MACF1: variants seen among roughly 807,000 people sequenced by gnomAD.
The protein encoded by MACF1 is microtubule-actin cross-linking factor 1.
Under a neutral mutation model 854.8 loss-of-function variants are expected in MACF1, and 193 were observed. The observed-to-expected ratio is 0.23, with a 90% CI of 0.20 to 0.25. The LOEUF (loss-of-function observed/expected upper bound fraction) is 0.25. MACF1 is among the 10% of genes least tolerant of loss of function. The pLI, the probability that MACF1 is intolerant of heterozygous loss-of-function variation, is 1.00. For synonymous variants in MACF1, 3,185 were observed against 3,226.7 expected (o/e 0.99, Z 0.44); for missense variants, 7,722 against 8,929.1 (o/e 0.86, Z 5.45).
chr1:39,477,663 A>C (rs1401208191), intron 97 of MACF1, among the ~76,000 whole-genome samples: 1 of 151,744 alleles, frequency 6.6e-6, no homozygotes, highest in East Asian at 1.9e-4. Flanking sequence ...TGATGGAGAG[A>C]GCTAGGCTGG....
At chr1:39,196,240 A>G (rs1171309688) in intron 2 of MACF1, among the ~76,000 whole-genome samples, 1 of 152,222 alleles carries the variant, frequency 6.6e-6, no homozygotes, top group East Asian at 1.9e-4. Context: ...CCATGCTACT[A>G]TAATACTCAT....
intron 5 of MACF1, among the ~76,000 whole-genome samples, chr1:39,256,871 CTT>C (rs1458347780): frequency 2.1e-5 from 3 of 145,952 alleles, no homozygotes; most frequent in Non-Finnish European, 4.5e-5. Context: ...TCTTTTCTGT[CTT>C]TCTCTCTCAG....
chr1:39,293,698 T>C (rs1645841494), intron 18 of MACF1, 79 bp downstream of exon 18: 1 of 1,321,144 alleles, frequency 7.6e-7, no homozygotes, highest in South Asian at 1.6e-5. Context: ...TGCTGAAAGC[T>C]TGGGTGGCTG....
At chr1:39,387,160 G>T (rs374686342) in intron 57 of MACF1, 27 bp from the exon 58 acceptor site, 7 of 1,603,830 alleles carry the variant, frequency 4.4e-6, no homozygotes, top group African/African-American at 1.3e-5. Flanking sequence ...AGGCTTTATT[G>T]ATTTCAATTT....
rs1166707358 is a variant in MACF1, at chr1:39,310,739, C to T, written c.3101-92C>T. ...TCAGGTAGGATTAGGCAGAAGATTC[C>T]CTAAATAAAGCCTTGCTTTCATTAG... On this transcript the variant is annotated intron_variant, in intron 25 of 100. Coordinates refer to ENST00000564288, the MANE Select transcript of MACF1 (RefSeq NM_001394062.1). The T allele has an allele frequency of 3.1e-6, 4 of 1,273,448 alleles. No homozygotes were observed. In the Admixed American group the frequency reaches 1.1e-4, roughly 34 times the overall value. 78.9% of individuals were successfully genotyped at this position (1,273,448 alleles called of 1,614,324 possible). A position where few individuals can be genotyped will look rare whatever the true frequency, so the allele number is the denominator to read the frequency against.
intron 49 of MACF1, among the ~76,000 whole-genome samples, chr1:39,361,963 G>GAT (rs1648221866): frequency 6.6e-6 from 1 of 152,162 alleles, no homozygotes; most frequent in South Asian, 2.1e-4. Context: ...ATTTCATCCT[G>GAT]ATATAAGCTT....
At position 39,324,647 on chromosome 1, in the gene MACF1, T is replaced by G; in HGVS notation, c.4391T>G (p.Val1464Gly). ...TTTCTCTTTATTTCTACCATGTAGG[T>G]TCTGTCAGAAGAGCTGACAACAAAG... ...DIEKAILEQQ[V>G]LSEELTTKKE... Residue 1464 changes from valine (V) to glycine (G), a missense_variant and splice_region_variant, in exon 35 of 101, where the codon GTT becomes GGT. Physicochemically the swap from Val to Gly is moderately radical, Grantham distance 109. Transcript: ENST00000564288. 1 of 1,611,098 alleles carries G rather than the reference T, an allele frequency of 6.2e-7. No individual in the cohort carries two copies. The highest frequency in any genetic ancestry group is 8.5e-7 in the Non-Finnish European group (1 of 1,178,020).
chr1:39,459,509 C>T (rs2124039570), intron 91 of MACF1, among the ~76,000 whole-genome samples: 1 of 152,256 alleles, frequency 6.6e-6, no homozygotes, highest in African/African-American at 2.4e-5. Flanking sequence ...TAATGAGGGC[C>T]AGGACCTGAT....
Position 39,388,039 on chromosome 1 carries a change from T to C in MACF1, c.15197T>C (p.Val5066Ala). The change falls in exon 58 of 101, where the codon GTA becomes GCA. Residue 5066 changes from valine (V) to alanine (A), a missense_variant. Coordinates refer to ENST00000564288, the MANE Select transcript of MACF1 (RefSeq NM_001394062.1). ...QEVLQALEPQ[V>A]DYLRNFTQGL... is the part of the protein sequence containing the mutation. ...GTGCTGCAGGCCCTAGAGCCTCAGG[T>C]AGACTATCTGAGGAACTTTACTCAG... 1 of 1,614,102 alleles carries C rather than the reference T, an allele frequency of 6.2e-7. No homozygotes were observed. Among genetic ancestry groups the C allele is most frequent in the Non-Finnish European group, 8.5e-7 (1 of 1,180,018 alleles).
intron 6 of MACF1, among the ~76,000 whole-genome samples, chr1:39,259,523 A>G (rs1196176711): frequency 2.0e-5 from 3 of 152,180 alleles, no homozygotes; most frequent in Non-Finnish European, 4.4e-5. Context: ...CGGTCTCCCA[A>G]AGTGTTGGGA....
intron 58 of MACF1, among the ~76,000 whole-genome samples, chr1:39,393,196 A>AAAAAAAAAAAATATATATATATAT (rs57576149): frequency 3.0e-5 from 2 of 66,574 alleles, no homozygotes; most frequent in African/African-American, 1.7e-4. Context: ...AAAAAAAAAA[A>AAAAAAAAAAAATATATATATATAT]ATATATATAT....
intron 93 of MACF1, among the ~76,000 whole-genome samples, chr1:39,462,555 A>G (rs1644577104): frequency 6.6e-6 from 1 of 151,776 alleles, no homozygotes; most frequent in Non-Finnish European, 1.5e-5. Context: ...CCGCCAAAAA[A>G]AAAAAAAAAA....
intron 2 of MACF1, among the ~76,000 whole-genome samples, chr1:39,187,895 T>TC (rs1553160208): frequency 1.5e-5 from 1 of 68,398 alleles, no homozygotes; most frequent in African/African-American, 5.2e-5. Flanking sequence ...TCTCTCTCTC[T>TC]CTCTCTCCTC....
intron 19 of MACF1, 72 bp downstream of exon 19, chr1:39,295,222 CT>C: frequency 8.0e-7 from 1 of 1,250,440 alleles, no homozygotes; most frequent in South Asian, 1.2e-5. Context: ...AAATTAGAGA[CT>C]TTGTTCCACT....
At chr1:39,438,146 TG>T in intron 71 of MACF1, 138 bp downstream of exon 71, 1 of 781,206 alleles carries the variant, frequency 1.3e-6, no homozygotes, top group Non-Finnish European at 2.0e-6. Context: ...AGAAAGTCAC[TG>T]GAAAATCATT....
chr1:39,151,332 T>G (rs925133707), intron 2 of MACF1, among the ~76,000 whole-genome samples: 2 of 152,198 alleles, frequency 1.3e-5, no homozygotes, highest in Non-Finnish European at 2.9e-5. Context: ...GTATCTATAG[T>G]GTCCTAATTG....
At chr1:39,128,591 C>T (rs1398568734) in intron 2 of MACF1, among the ~76,000 whole-genome samples, 4 of 151,810 alleles carry the variant, frequency 2.6e-5, no homozygotes, top group African/African-American at 7.3e-5. Flanking sequence ...CCTAGCTACT[C>T]GGGAGGCTAA....
chr1:39,477,290 TGAC>T, intron 97 of MACF1, among the ~76,000 whole-genome samples: 1 of 151,924 alleles, frequency 6.6e-6, no homozygotes, highest in Non-Finnish European at 1.5e-5. Flanking sequence ...AGTGGTGTGA[TGAC>T]AGCTCACTGC....
intron 58 of MACF1, chr1:39,413,717 C>A (rs1264952719): frequency 6.2e-7 from 1 of 1,609,438 alleles, no homozygotes; most frequent in Non-Finnish European, 8.5e-7. Context: ...CCTGCAGTGC[C>A]CACCCCAGAG....
Sources: gnomAD v4.1 joint callset for allele counts (sites outside exome capture counted in the v4.1 genomes callset) on GRCh38, gnomAD v4.1.1 for gene constraint, MANE v1.5 for transcripts, NCBI Gene and HGNC (gene_info 2026-07-23, HGNC 2026-07-21) for gene names.